The following CDNF variants were observed in gnomAD, a reference collection of about 807,000 sequenced individuals.
The protein encoded by CDNF is ARMET-like protein 1.
A neutral mutation model predicts 14.8 loss-of-function variants in CDNF; 9 were observed. That is an observed-to-expected ratio of 0.61 (90% CI 0.37 to 1.06). CDNF has a LOEUF of 1.06. Ranked by LOEUF, CDNF falls within the 50% of genes least tolerant of loss-of-function variation. The pLI is 0.01. For missense variants in CDNF, 228 were observed against 228.4 expected, an observed-to-expected ratio of 1.00 and a Z score of 0.01; for synonymous variants, 86 against 87.2, an observed-to-expected ratio of 0.99 and a Z score of 0.07.
chr10:14,826,092 AAGAAGCAGCAGCAGCAGC>A (rs1470865761), intron 2 of CDNF, among the ~76,000 whole-genome samples: 75 of 111,048 alleles, frequency 6.8e-4, no homozygotes, highest in South Asian at 1.3e-3. Context: ...GAAGAAGAAG[AAGAAGCAGCAGCAGCAGC>A]AGCAGCAGCA....
chr10:14,828,867 AAAC>A (rs1387163326), intron 1 of CDNF, among the ~76,000 whole-genome samples: 1 of 151,690 alleles, frequency 6.6e-6, no homozygotes, highest in African/African-American at 2.4e-5. Flanking sequence ...AAAAAAACAA[AAAC>A]AAAAAAACAC....
chr10:14,830,504 T>C (rs1031621972), intron 1 of CDNF, among the ~76,000 whole-genome samples: 1 of 152,074 alleles, frequency 6.6e-6, no homozygotes, highest in African/African-American at 2.4e-5. Context: ...ACTTTAACTG[T>C]ATGAATTCTT....
rs114034632 is a variant in CDNF at position 14,828,651 on chromosome 10, C to T, written c.116-379G>A. On this transcript the variant is annotated intron_variant, in intron 1 of 3. Coordinates refer to ENST00000465530, the MANE Select transcript of CDNF (RefSeq NM_001029954.3). Reference sequence around the variant, plus strand: ...ACAGAGCAAGACTCCATCTCACACACAAAAAAAGAAACGTCCATATGAGTC... The same window carrying T: ...ACAGAGCAAGACTCCATCTCACACATAAAAAAAGAAACGTCCATATGAGTC... Among the ~76,000 whole-genome samples, 1,243 of 150,038 alleles carry T rather than the reference C, an allele frequency of 8.3e-3. 23 individuals are homozygous for T. The highest frequency in any genetic ancestry group is 0.029 in the African/African-American group (1,168 of 40,964).
At chr10:14,820,601 G>C (rs887531802) in intron 3 of CDNF, among the ~76,000 whole-genome samples, 2 of 151,688 alleles carry the variant, frequency 1.3e-5, no homozygotes, top group African/African-American at 4.8e-5. Flanking sequence ...GCATGGCGGT[G>C]GCATGCCTGT....
intron 3 of CDNF, among the ~76,000 whole-genome samples, chr10:14,821,684 T>C (rs1456526340): frequency 6.6e-6 from 1 of 152,208 alleles, no homozygotes; most frequent in Non-Finnish European, 1.5e-5. Context: ...TCCAAGAGAT[T>C]ATACTTGCTT....
intron 1 of CDNF, chr10:14,836,340 C>G (rs1833886341): frequency 6.6e-6 from 1 of 152,198 alleles, no homozygotes; most frequent in Admixed American, 6.5e-5. Context: ...ATGCAATAAT[C>G]ACAGCATGCT....
rs1026714669 is a variant in CDNF, at chr10:14,819,659, C to T, written c.*321G>A. On this transcript the variant is annotated 3_prime_UTR_variant, in exon 4 of 4. Transcript: ENST00000465530. ...CATCCAGAGAGGAGTCTCTGAATGC[C>T]TTCTTCTTTCTTGGAATCAATTTAC... The T allele has an allele frequency of 9.7e-6, 2 of 206,646 alleles. No homozygotes were observed. The highest frequency in any genetic ancestry group is 1.7e-3 in the Middle Eastern group (1 of 596). The allele number at this position is 206,646 out of a possible 1,614,324, so 12.8% of individuals were successfully genotyped here.
At chr10:14,827,041 C>T (rs1029332923) in intron 2 of CDNF, among the ~76,000 whole-genome samples, 1 of 145,078 alleles carries the variant, frequency 6.9e-6, no homozygotes, top group African/African-American at 2.6e-5. Context: ...CAAGGCCAAA[C>T]CCCGTCTCTA....
At chr10:14,837,639 G>C (rs1171489906) in intron 1 of CDNF, among the ~76,000 whole-genome samples, 193 bp downstream of exon 1, 4 of 152,224 alleles carry the variant, frequency 2.6e-5, no homozygotes, top group African/African-American at 9.6e-5. Context: ...ACCACAACGT[G>C]GCCTCACGTT....
chr10:14,832,197 G>A (rs959698299), intron 1 of CDNF, among the ~76,000 whole-genome samples: 5 of 152,222 alleles, frequency 3.3e-5, no homozygotes, highest in Non-Finnish European at 4.4e-5. Context: ...GAAGGAAGTG[G>A]AAGAACAATT....
chr10:14,826,137 GAGA>G (rs1833787022), intron 2 of CDNF, among the ~76,000 whole-genome samples: 1 of 135,160 alleles, frequency 7.4e-6, no homozygotes, highest in African/African-American at 3.0e-5. Context: ...GCAGGAGAAG[GAGA>G]AGGAGAAGGA....
At chr10:14,837,703 A>G in intron 1 of CDNF, 129 bp downstream of exon 1, 1 of 607,588 alleles carries the variant, frequency 1.6e-6, no homozygotes, top group Non-Finnish European at 2.9e-6. Flanking sequence ...GCGATCTAAA[A>G]CGAGGGACAG....
At chr10:14,822,016 G>A (rs1268585626) in intron 3 of CDNF, among the ~76,000 whole-genome samples, 1 of 152,204 alleles carries the variant, frequency 6.6e-6, no homozygotes, top group African/African-American at 2.4e-5. Context: ...ATGCAAACAC[G>A]TGAATAAAAT....
chr10:14,821,167 C>G (rs1833735194), intron 3 of CDNF, among the ~76,000 whole-genome samples: 1 of 152,090 alleles, frequency 6.6e-6, no homozygotes, highest in South Asian at 2.1e-4. Flanking sequence ...CTTAGCCACC[C>G]AGGCTGGAGT....
rs878905633 is a variant in CDNF at position 14,820,230 on chromosome 10, G to A, written c.386-72C>T. 14 of 1,476,984 alleles carry A rather than the reference G, an allele frequency of 9.5e-6. No homozygotes were observed. The Admixed American group carries it at 2.3e-4, about 24-fold the overall frequency. The allele number at this position is 1,476,984 out of a possible 1,614,324, so 91.5% of individuals were successfully genotyped here. A position where few individuals can be genotyped will look rare whatever the true frequency, so the allele number is the denominator to read the frequency against. The stretch of plus-strand genomic sequence containing the variant: ...AAAATCCCTATGAATCACTTCAAAA[G>A]GCATATAGTTTGCTTATCTTGGTGC... On this transcript the variant is annotated intron_variant, in intron 3 of 3. Transcript: ENST00000465530.
intron 1 of CDNF, among the ~76,000 whole-genome samples, chr10:14,831,479 A>G (rs1833842755): frequency 6.7e-6 from 1 of 149,752 alleles, no homozygotes; most frequent in Non-Finnish European, 1.5e-5. Context: ...ATATATATAT[A>G]TACACACACA....
intron 2 of CDNF, among the ~76,000 whole-genome samples, chr10:14,826,095 A>AAGAAGAAGAAGAAGAAGAAGAAGC (rs1426555042): frequency 1.9e-4 from 17 of 87,530 alleles, no homozygotes; most frequent in Non-Finnish European, 3.5e-4. Context: ...GAAGAAGAAG[A>AAGAAGAAGAAGAAGAAGAAGAAGC]AGCAGCAGCA....
chr10:14,826,194 CAGAAGAAGAAGA>C (rs372563801), intron 2 of CDNF, among the ~76,000 whole-genome samples: 20 of 113,340 alleles, frequency 1.8e-4, no homozygotes, highest in African/African-American at 6.9e-4. Context: ...GCAGAAGCAG[CAGAAGAAGAAGA>C]AGAAGAAGAA....
chr10:14,824,427 G>A (rs781301910), intron 3 of CDNF, among the ~76,000 whole-genome samples: 3 of 152,026 alleles, frequency 2.0e-5, no homozygotes, highest in Non-Finnish European at 4.4e-5. Flanking sequence ...CCAACATGGT[G>A]AAACCTCGTC....
Sources: gnomAD v4.1 joint callset for allele counts (sites outside exome capture counted in the v4.1 genomes callset) on GRCh38, gnomAD v4.1.1 for gene constraint, MANE v1.5 for transcripts, NCBI Gene and HGNC (gene_info 2026-07-23, HGNC 2026-07-21) for gene names.